ROBO2: variants seen among roughly 807,000 people sequenced by gnomAD.
The protein encoded by ROBO2 is roundabout guidance receptor 2, also known as roundabout homolog 2.
ROBO2 carries 53 observed loss-of-function variants against 160.8 expected under a neutral mutation model. The ratio of observed to expected loss-of-function variants is 0.33; its 90% CI spans 0.26 to 0.41. The LOEUF (loss-of-function observed/expected upper bound fraction) is 0.41. Ranked by LOEUF, ROBO2 falls within the 10% of genes least tolerant of loss-of-function variation. ROBO2 has a pLI of 1.00. For synonymous variants in ROBO2, 664 were observed against 611.7 expected, an observed-to-expected ratio of 1.09 and a Z score of -1.26; for missense variants, 1,577 against 1,722.4, an observed-to-expected ratio of 0.92 and a Z score of 1.49.
At chr3:76,953,700 T>C (rs1045830041) in intron 2 of ROBO2, among the ~76,000 whole-genome samples, 2 of 152,178 alleles carry the variant, frequency 1.3e-5, no homozygotes, top group Non-Finnish European at 2.9e-5. Flanking sequence ...TTGTATTATG[T>C]TTGGCAGGGA....
chr3:76,499,980 A>G (rs2107627990), intron 2 of ROBO2, among the ~76,000 whole-genome samples: 1 of 152,298 alleles, frequency 6.6e-6, no homozygotes, highest in South Asian at 2.1e-4. Flanking sequence ...TTATTTACAT[A>G]AAGACCTGGC....
At chr3:76,075,015 C>T (rs953542869) in intron 2 of ROBO2, among the ~76,000 whole-genome samples, 8 of 152,064 alleles carry the variant, frequency 5.3e-5, no homozygotes, top group East Asian at 3.9e-4. Context: ...GGAATGAATA[C>T]GAACAGAAAT....
chr3:76,764,980 A>G (rs2061497592), intron 2 of ROBO2, among the ~76,000 whole-genome samples: 1 of 151,648 alleles, frequency 6.6e-6, no homozygotes, highest in Non-Finnish European at 1.5e-5. Flanking sequence ...GTGGTGGTGA[A>G]GCCTGGGCTG....
At chr3:77,560,312 G>A (rs1021908680) in intron 9 of ROBO2, among the ~76,000 whole-genome samples, 5 of 151,858 alleles carry the variant, frequency 3.3e-5, no homozygotes, top group African/African-American at 1.2e-4. Context: ...AAGGGTAAAA[G>A]GACAAGCATG....
At chr3:77,130,761 C>T (rs978809244) in intron 2 of ROBO2, among the ~76,000 whole-genome samples, 4 of 152,114 alleles carry the variant, frequency 2.6e-5, no homozygotes, top group Admixed American at 2.6e-4. Context: ...CCATGCACCT[C>T]TGTGTGTGTG....
chr3:76,576,691 CAT>C (rs2085312992), intron 2 of ROBO2, among the ~76,000 whole-genome samples: 4 of 103,404 alleles, frequency 3.9e-5, no homozygotes, highest in African/African-American at 1.3e-4. Flanking sequence ...CAGTTTAAAT[CAT>C]TTTCTTTCTT....
chr3:76,446,763 C>T (rs2077204091), intron 2 of ROBO2, among the ~76,000 whole-genome samples: 1 of 152,162 alleles, frequency 6.6e-6, no homozygotes, highest in Non-Finnish European at 1.5e-5. Flanking sequence ...TGATCTTTGA[C>T]ATACCTGAGA....
At chr3:76,214,023 G>C (rs1703328692) in intron 2 of ROBO2, among the ~76,000 whole-genome samples, 1 of 152,106 alleles carries the variant, frequency 6.6e-6, no homozygotes, top group Admixed American at 6.6e-5. Flanking sequence ...CACCCTCACA[G>C]ATGCACCCAG....
At chr3:77,218,029 C>T (rs1050764186) in intron 2 of ROBO2, among the ~76,000 whole-genome samples, 2 of 152,108 alleles carry the variant, frequency 1.3e-5, no homozygotes, top group African/African-American at 4.8e-5. Context: ...TTTAAATCTC[C>T]AAAAAGAGAT....
At chr3:76,178,666 T>C (rs1845703) in intron 2 of ROBO2, among the ~76,000 whole-genome samples, 56,590 of 152,032 alleles carry the variant, frequency 0.37, 11,510 homozygotes, top group Non-Finnish European at 0.45. Context: ...GAACCTTGGC[T>C]GGATGCAGTG....
chr3:75,978,682 C>T (rs1209194475), intron 2 of ROBO2, among the ~76,000 whole-genome samples: 1 of 151,538 alleles, frequency 6.6e-6, no homozygotes, highest in African/African-American at 2.4e-5. Context: ...AGTAAAACTG[C>T]ACTGTTGTGG....
At chr3:77,398,476 T>C (rs2075492327) in intron 2 of ROBO2, among the ~76,000 whole-genome samples, 1 of 152,188 alleles carries the variant, frequency 6.6e-6, no homozygotes, top group Admixed American at 6.6e-5. Context: ...TTTTGTGCCA[T>C]GTAAAATTAC....
intron 2 of ROBO2, among the ~76,000 whole-genome samples, chr3:76,079,598 C>T (rs1265813669): frequency 1.3e-5 from 2 of 151,702 alleles, no homozygotes; most frequent in Non-Finnish European, 2.9e-5. Flanking sequence ...ATTCTCCCAC[C>T]TCAGCCTCCC....
chr3:76,374,781 GTTTATTTTAGT>G (rs1484897719), intron 2 of ROBO2, among the ~76,000 whole-genome samples: 1 of 151,838 alleles, frequency 6.6e-6, no homozygotes, highest in East Asian at 1.9e-4. Context: ...GCTGCAAGTG[GTTTATTTTAGT>G]TTTATTTTAT....
intron 2 of ROBO2, among the ~76,000 whole-genome samples, chr3:76,297,883 G>C (rs1053385803): frequency 1.3e-5 from 2 of 152,104 alleles, no homozygotes; most frequent in Non-Finnish European, 2.9e-5. Context: ...ATTTTCAAAA[G>C]GATAACAGCT....
chr3:76,837,014 T>C (rs1274631005), intron 2 of ROBO2, among the ~76,000 whole-genome samples: 1 of 121,398 alleles, frequency 8.2e-6, no homozygotes, highest in African/African-American at 2.8e-5. Flanking sequence ...TGAAATTGCA[T>C]ATTATATTAT....
chr3:75,939,933 G>A (rs1481177103), intron 2 of ROBO2, among the ~76,000 whole-genome samples: 1 of 151,940 alleles, frequency 6.6e-6, no homozygotes, highest in Non-Finnish European at 1.5e-5. Flanking sequence ...TTACAATCTT[G>A]CATTAAATAT....
intron 2 of ROBO2, among the ~76,000 whole-genome samples, chr3:76,738,982 G>A (rs998457663): frequency 1.4e-4 from 21 of 152,104 alleles, no homozygotes; most frequent in Non-Finnish European, 8.8e-5. Flanking sequence ...TGATTCAGAC[G>A]TTAAGTGGTA....
chr3:76,012,634 C>T (rs996321075), intron 2 of ROBO2, among the ~76,000 whole-genome samples: 4 of 151,428 alleles, frequency 2.6e-5, no homozygotes, highest in African/African-American at 9.7e-5. Context: ...TTTTTTTTCC[C>T]GTTAGCCAAA....
Sources: gnomAD v4.1 joint callset for allele counts (sites outside exome capture counted in the v4.1 genomes callset) on GRCh38, gnomAD v4.1.1 for gene constraint, MANE v1.5 for transcripts, NCBI Gene and HGNC (gene_info 2026-07-23, HGNC 2026-07-21) for gene names.